The following CCDC6 variants were observed in gnomAD, a reference collection of about 807,000 sequenced individuals.
The protein encoded by CCDC6 is coiled-coil domain containing 6.
CCDC6 carries 20 observed loss-of-function variants against 56.6 expected under a neutral mutation model. That is an observed-to-expected ratio of 0.35 (90% CI 0.25 to 0.51). The LOEUF (loss-of-function observed/expected upper bound fraction) is 0.51, where lower values mean the gene tolerates loss of function less well. CCDC6 is among the 20% of genes least tolerant of loss of function. CCDC6 has a pLI of 0.95. For synonymous variants in CCDC6, 241 were observed against 234.4 expected (o/e 1.03, Z -0.26); for missense variants, 367 against 601.1 (o/e 0.61, Z 4.07).
At chr10:59,847,061 T>G (rs1479493830) in intron 2 of CCDC6, among the ~76,000 whole-genome samples, 1 of 151,954 alleles carries the variant, frequency 6.6e-6, no homozygotes, top group Admixed American at 6.5e-5. Context: ...TAGAAAATTT[T>G]TTTTTTTTTG....
rs182110836 is a variant in CCDC6, at chr10:59,797,314, G to T, written c.1106-2717C>A. Among the ~76,000 whole-genome samples the T allele has an allele frequency of 8.1e-4, 123 of 152,008 alleles. 1 individual carries two copies. The highest frequency in any genetic ancestry group is 1.5e-3 in the Non-Finnish European group (105 of 67,982). ...AGTTGCTGCACAACATTATACTACA[G>T]TTAACAGTACTGTATTGTATTCTTA... On this transcript the variant is annotated intron_variant, in intron 7 of 8. Coordinates refer to ENST00000263102, the MANE Select transcript of CCDC6 (RefSeq NM_005436.5).
At chr10:59,818,621 G>A (rs755307726) in intron 3 of CCDC6, among the ~76,000 whole-genome samples, 1 of 151,602 alleles carries the variant, frequency 6.6e-6, no homozygotes, top group Non-Finnish European at 1.5e-5. Context: ...ATGTGCAATC[G>A]GCATGTCTAC....
At chr10:59,862,141 A>C (rs1328679881) in intron 1 of CCDC6, among the ~76,000 whole-genome samples, 1 of 152,150 alleles carries the variant, frequency 6.6e-6, no homozygotes, top group Non-Finnish European at 1.5e-5. Flanking sequence ...CTTATAATAC[A>C]TTGTAACAAA....
Position 59,801,956 on chromosome 10 carries a change from C to T in CCDC6, c.1105+2464G>A, listed in dbSNP as rs1417565636. ...GCCCCAGCTCTAGAAACATTCATTT[C>T]TCCAAGTAGCTCTAGTTCTTTTAAC... On this transcript the variant is annotated intron_variant, in intron 7 of 8. Coordinates refer to ENST00000263102, the MANE Select transcript of CCDC6 (RefSeq NM_005436.5). Among the ~76,000 whole-genome samples the T allele has an allele frequency of 2.0e-5, 3 of 152,118 alleles. No homozygotes were observed. The East Asian group carries it at 5.8e-4, about 29-fold the overall frequency.
At chr10:59,844,827 G>A (rs1386660704) in intron 2 of CCDC6, among the ~76,000 whole-genome samples, 2 of 151,536 alleles carry the variant, frequency 1.3e-5, no homozygotes, top group Non-Finnish European at 2.9e-5. Flanking sequence ...TGTAAAAACT[G>A]GCATTTTCTC....
At chr10:59,822,898 A>AT (rs1031530403) in intron 3 of CCDC6, among the ~76,000 whole-genome samples, 2 of 129,808 alleles carry the variant, frequency 1.5e-5, no homozygotes, top group African/African-American at 3.0e-5. Flanking sequence ...CCCTATGCTT[A>AT]TAAAAAAAAA....
At chr10:59,810,609 TTGATA>T (rs1441036756) in intron 5 of CCDC6, among the ~76,000 whole-genome samples, 1 of 152,182 alleles carries the variant, frequency 6.6e-6, no homozygotes, top group Non-Finnish European at 1.5e-5. Context: ...TGAGAACTAT[TTGATA>T]TATCTCATTT....
At chr10:59,802,893 AAATC>A (rs1469972282) in intron 7 of CCDC6, among the ~76,000 whole-genome samples, 1 of 152,226 alleles carries the variant, frequency 6.6e-6, no homozygotes, top group African/African-American at 2.4e-5. Context: ...ACGTTTAAAT[AAATC>A]AAACAGGGTA....
intron 2 of CCDC6, 119 bp downstream of exon 2, chr10:59,852,433 CA>C: frequency 1.3e-6 from 1 of 794,496 alleles, no homozygotes; most frequent in East Asian, 2.9e-5. Context: ...TTTGAATCTC[CA>C]AAGAACTTAA....
At chr10:59,869,682 G>C (rs548921962) in intron 1 of CCDC6, among the ~76,000 whole-genome samples, 40 of 152,094 alleles carry the variant, frequency 2.6e-4, no homozygotes, top group Admixed American at 1.4e-3. Flanking sequence ...TACAACCCGT[G>C]CTCATTCTGC....
At chr10:59,820,643 G>A (rs1484679644) in intron 3 of CCDC6, among the ~76,000 whole-genome samples, 1 of 152,052 alleles carries the variant, frequency 6.6e-6, no homozygotes, top group African/African-American at 2.4e-5. Context: ...AGCTACTCAA[G>A]AGGCTAAGGC....
intron 1 of CCDC6, among the ~76,000 whole-genome samples, chr10:59,853,573 T>C (rs1186096492): frequency 6.6e-6 from 1 of 151,642 alleles, no homozygotes; most frequent in Admixed American, 6.6e-5. Flanking sequence ...GCATTACAAA[T>C]GTACATGGAC....
At chr10:59,821,842 C>T (rs1235327505) in intron 3 of CCDC6, among the ~76,000 whole-genome samples, 3 of 152,132 alleles carry the variant, frequency 2.0e-5, no homozygotes, top group Non-Finnish European at 4.4e-5. Context: ...TGTCCCTTGG[C>T]TGAAAGTTAT....
Position 59,792,618 on chromosome 10 carries a change from A to C in CCDC6, c.*299T>G, listed in dbSNP as rs745848939. 1 of 686,204 alleles carries C rather than the reference A, an allele frequency of 1.5e-6. No homozygotes were observed. The highest frequency in any genetic ancestry group is 1.4e-5 in the South Asian group (1 of 72,834). The allele number at this position is 686,204 out of a possible 1,614,324, so 42.5% of individuals were successfully genotyped here. The stretch of plus-strand genomic sequence containing the variant: ...AGGAGAATGAAGCTCTGGGCCAAGC[A>C]AAAATTGCACACTGCTGCTGAAATA... On this transcript the variant is annotated 3_prime_UTR_variant, in exon 9 of 9. Transcript: ENST00000263102.
intron 7 of CCDC6, among the ~76,000 whole-genome samples, chr10:59,803,629 TTC>T (rs1193741521): frequency 6.6e-6 from 1 of 152,188 alleles, no homozygotes; most frequent in Non-Finnish European, 1.5e-5. Flanking sequence ...CTGCTCCTCT[TTC>T]TCTCTCACTG....
chr10:59,847,389 T>C (rs1402689588), intron 2 of CCDC6, among the ~76,000 whole-genome samples: 1 of 151,966 alleles, frequency 6.6e-6, no homozygotes, highest in African/African-American at 2.4e-5. Context: ...AGTTTTACAA[T>C]AGAGGACTAG....
intron 2 of CCDC6, among the ~76,000 whole-genome samples, chr10:59,835,630 AAAAC>A (rs2070875973): frequency 6.6e-6 from 1 of 152,228 alleles, no homozygotes; most frequent in East Asian, 1.9e-4. Context: ...AGACAGTGCT[AAAAC>A]AAACAGTTCT....
intron 1 of CCDC6, among the ~76,000 whole-genome samples, chr10:59,904,159 T>G (rs1230930630): frequency 2.0e-5 from 3 of 147,176 alleles, no homozygotes; most frequent in Non-Finnish European, 4.5e-5. Flanking sequence ...CCACACGACA[T>G]TTCACAAAGT....
chr10:59,896,580 G>A, intron 1 of CCDC6, among the ~76,000 whole-genome samples: 1 of 147,432 alleles, frequency 6.8e-6, no homozygotes, highest in East Asian at 2.0e-4. Flanking sequence ...ACCAGAGTAA[G>A]TCTTTCTTTA....
Sources: allele counts gnomAD v4.1 joint callset (sites outside exome capture counted in the v4.1 genomes callset), GRCh38; gene constraint gnomAD v4.1.1; transcripts MANE v1.5; gene names NCBI Gene and HGNC (gene_info 2026-07-23, HGNC 2026-07-21).